UBE2R2: variants seen among roughly 807,000 people sequenced by gnomAD.
UBE2R2 encodes ubiquitin conjugating enzyme E2 R2.
Under a neutral mutation model 27.8 loss-of-function variants are expected in UBE2R2, and 1 was observed. The ratio of observed to expected loss-of-function variants is 0.04; its 90% CI spans 0.01 to 0.17. The LOEUF (loss-of-function observed/expected upper bound fraction) is 0.17, where lower values mean the gene tolerates loss of function less well. Ranked by LOEUF, UBE2R2 falls within the 10% of genes least tolerant of loss-of-function variation. The pLI is 1.00. For synonymous variants in UBE2R2, 106 were observed against 113.3 expected (o/e 0.94, Z 0.41); for missense variants, 100 against 291.0 (o/e 0.34, Z 4.78).
chr9:33,880,469 C>T (rs751239903), intron 1 of UBE2R2, among the ~76,000 whole-genome samples: 1 of 151,852 alleles, frequency 6.6e-6, no homozygotes, highest in Non-Finnish European at 1.5e-5. Flanking sequence ...TAGCTTAATT[C>T]ATTGTGGCCA....
rs372689884 is a variant in UBE2R2 at position 33,901,968 on chromosome 9, A to T, written c.362+1697A>T. On this transcript the variant is annotated intron_variant, in intron 3 of 4. Coordinates refer to ENST00000263228, the MANE Select transcript of UBE2R2 (RefSeq NM_017811.4). ...TTGCTCTGTCGCCCAGGCTGGAATG[A>T]AGCGGCGCGGTCACGGCTCAGCACA... Among the ~76,000 whole-genome samples, 33 of 148,396 alleles carry T rather than the reference A, an allele frequency of 2.2e-4. No homozygotes were observed. In the East Asian group the frequency reaches 3.4e-3, roughly 15 times the overall value.
At position 33,894,749 on chromosome 9, in the gene UBE2R2, T is replaced by G. The variant is rs768798386; in HGVS notation, c.265-5425T>G. On this transcript the variant is annotated intron_variant, in intron 2 of 4. Transcript: ENST00000263228. The stretch of plus-strand genomic sequence containing the variant: ...ATCACTATAAAAAAAATTTTAAAAT[T>G]GTCCAGGTTTGCTGGCTGTTATCTG... Among the ~76,000 whole-genome samples, 22 of 152,302 alleles carry G rather than the reference T, an allele frequency of 1.4e-4. No homozygotes were observed. The Middle Eastern group carries it at 0.01, about 71-fold the overall frequency.
At position 33,832,013 on chromosome 9, in the gene UBE2R2, T is replaced by C. The variant is rs200608300; in HGVS notation, c.177+14079T>C. The stretch of plus-strand genomic sequence containing the variant: ...TCATTGAATCAACGATAGCAATCAC[T>C]AATAAATTATTTAGGCCGGGTGCAG... On this transcript the variant is annotated intron_variant, in intron 1 of 4. Coordinates refer to ENST00000263228, the MANE Select transcript of UBE2R2 (RefSeq NM_017811.4). 2.6e-5 allele frequency among the ~76,000 whole-genome samples: 4 copies of C among 151,724 alleles called. No individual in the cohort carries two copies. The East Asian group carries it at 8.0e-4, about 30-fold the overall frequency.
At chr9:33,840,554 G>C (rs535315379) in intron 1 of UBE2R2, among the ~76,000 whole-genome samples, 1 of 152,202 alleles carries the variant, frequency 6.6e-6, no homozygotes, top group East Asian at 1.9e-4. Flanking sequence ...TCAGAGACTT[G>C]GTCAGACTCT....
At chr9:33,830,242 C>G (rs990718606) in intron 1 of UBE2R2, among the ~76,000 whole-genome samples, 3 of 147,994 alleles carry the variant, frequency 2.0e-5, no homozygotes, top group Non-Finnish European at 4.4e-5. Flanking sequence ...ACTGCACCTT[C>G]CACCTCTTGG....
chr9:33,895,386 C>A (rs765346196), intron 2 of UBE2R2, among the ~76,000 whole-genome samples: 2 of 152,106 alleles, frequency 1.3e-5, no homozygotes, highest in Non-Finnish European at 2.9e-5. Flanking sequence ...TCTGGACTCT[C>A]AATTGTAAAT....
intron 1 of UBE2R2, among the ~76,000 whole-genome samples, chr9:33,854,262 A>G (rs1349653058): frequency 6.6e-6 from 1 of 152,078 alleles, no homozygotes. Context: ...TGTACTTGAA[A>G]AGACTTCCTT....
At chr9:33,875,126 C>G (rs987145729) in intron 1 of UBE2R2, among the ~76,000 whole-genome samples, 50 of 151,884 alleles carry the variant, frequency 3.3e-4, no homozygotes, top group African/African-American at 1.2e-3. Flanking sequence ...TTTTGTTTTA[C>G]TTTTTAAAAA....
intron 3 of UBE2R2, among the ~76,000 whole-genome samples, chr9:33,901,129 A>G (rs1189474577): frequency 6.6e-6 from 1 of 151,890 alleles, no homozygotes; most frequent in Non-Finnish European, 1.5e-5. Context: ...CTATTAAGCA[A>G]CTCTTGATTA....
At chr9:33,895,908 GAT>G (rs1822094391) in intron 2 of UBE2R2, among the ~76,000 whole-genome samples, 1 of 151,496 alleles carries the variant, frequency 6.6e-6, no homozygotes, top group South Asian at 2.1e-4. Flanking sequence ...GAGCAGCTGG[GAT>G]TACAGGCATG....
intron 4 of UBE2R2, 91 bp from the exon 5 acceptor site, chr9:33,916,927 T>C: frequency 1.3e-6 from 2 of 1,519,488 alleles, no homozygotes; most frequent in Non-Finnish European, 1.8e-6. Context: ...GAGAGCTGAG[T>C]CATAAGTAAT....
intron 4 of UBE2R2, among the ~76,000 whole-genome samples, chr9:33,913,455 T>G (rs938361982): frequency 7.2e-5 from 11 of 151,862 alleles, no homozygotes; most frequent in African/African-American, 2.7e-4. Context: ...AGAGATGAGG[T>G]CTTGCTGTGT....
intron 1 of UBE2R2, among the ~76,000 whole-genome samples, chr9:33,830,474 T>C (rs1218426172): frequency 6.7e-6 from 1 of 149,104 alleles, no homozygotes; most frequent in South Asian, 2.2e-4. Context: ...TCTTTAGATA[T>C]CTGCTTTGCT....
At chr9:33,847,169 C>T (rs1006389986) in intron 1 of UBE2R2, among the ~76,000 whole-genome samples, 4 of 152,052 alleles carry the variant, frequency 2.6e-5, no homozygotes, top group African/African-American at 9.7e-5. Flanking sequence ...ATGATCTTGG[C>T]TCACTGCAAC....
chr9:33,898,207 T>G (rs1822165530), intron 2 of UBE2R2, among the ~76,000 whole-genome samples: 4 of 152,108 alleles, frequency 2.6e-5, no homozygotes, highest in African/African-American at 7.2e-5. Context: ...TGCCTCAGCC[T>G]CCTGAGTAGC....
rs140434973 is a variant in UBE2R2 at position 33,898,251 on chromosome 9, T to G, written c.265-1923T>G. On this transcript the variant is annotated intron_variant, in intron 2 of 4. Coordinates refer to ENST00000263228, the MANE Select transcript of UBE2R2 (RefSeq NM_017811.4). ...CAGGTGCCACCACGCCCAGTTAATT[T>G]TTGTATTTTTAGTAGAGATGGGGTT... is the stretch of plus-strand genomic sequence containing the variant. 3.8e-3 allele frequency among the ~76,000 whole-genome samples: 574 copies of G among 152,070 alleles called. 2 individuals are homozygous for G. The highest frequency in any genetic ancestry group is 6.6e-3 in the Non-Finnish European group (450 of 67,992).
chr9:33,847,678 G>A (rs1245303880), intron 1 of UBE2R2, among the ~76,000 whole-genome samples: 1 of 150,614 alleles, frequency 6.6e-6, no homozygotes, highest in African/African-American at 2.4e-5. Flanking sequence ...TATGTTCTGT[G>A]TGTCTCCAAC....
chr9:33,826,591 G>A lies in UBE2R2; in HGVS notation c.177+8657G>A, dbSNP rs569709850. On this transcript the variant is annotated intron_variant, in intron 1 of 4. Transcript: ENST00000263228. Reference sequence around the variant, plus strand: ...CACGTGCCTGTAGTTCCAGCTACCCGGGAGGCTGAGGCAGGAGAATGGCTT... The same window carrying A: ...CACGTGCCTGTAGTTCCAGCTACCCAGGAGGCTGAGGCAGGAGAATGGCTT... Among the ~76,000 whole-genome samples, 49 of 151,084 alleles carry A rather than the reference G, an allele frequency of 3.2e-4. No individual in the cohort carries two copies. The South Asian group carries it at 6.9e-3, about 21-fold the overall frequency.
At chr9:33,897,775 CTTTTTTTTTT>C (rs35277355) in intron 2 of UBE2R2, among the ~76,000 whole-genome samples, 1 of 127,978 alleles carries the variant, frequency 7.8e-6, no homozygotes, top group East Asian at 2.2e-4. Context: ...TTTCTTTTTT[CTTTTTTTTTT>C]TTTTTTTGAG....
Sources: allele counts gnomAD v4.1 joint callset (sites outside exome capture counted in the v4.1 genomes callset), GRCh38; gene constraint gnomAD v4.1.1; transcripts MANE v1.5; gene names NCBI Gene and HGNC (gene_info 2026-07-23, HGNC 2026-07-21).